Variants in CFAP299 observed in about 807,000 individuals in gnomAD.
CFAP299 encodes cilia- and flagella-associated protein 299.
CFAP299 carries 21 observed loss-of-function variants against 27.0 expected under a neutral mutation model. The observed-to-expected ratio is 0.78, with a 90% CI of 0.55 to 1.12. CFAP299 has a LOEUF of 1.12. Among genes scored for constraint, CFAP299 ranks in the 50% most tolerant of loss-of-function variants. The pLI is 0.00. For synonymous variants in CFAP299, 104 were observed against 98.1 expected (o/e 1.06, Z -0.36); for missense variants, 310 against 276.6 (o/e 1.12, Z -0.86).
chr4:80,326,569 A>G, the CFAP299 span, among the ~76,000 whole-genome samples: 6 of 152,218 alleles, frequency 3.9e-5, no homozygotes, highest in African/African-American at 1.4e-4. Flanking sequence ...CAAGATTTTT[A>G]TGCCAGAATG....
chr4:80,354,898 C>T (rs995779801), intron 1 of CFAP299, among the ~76,000 whole-genome samples: 4 of 152,106 alleles, frequency 2.6e-5, no homozygotes, highest in African/African-American at 7.2e-5. Flanking sequence ...ATATGTACCA[C>T]ATTTTCTTTA....
At chr4:80,700,323 C>T (rs2110026248) in intron 3 of CFAP299, among the ~76,000 whole-genome samples, 1 of 152,198 alleles carries the variant, frequency 6.6e-6, no homozygotes, top group South Asian at 2.1e-4. Context: ...CTACTTAGAA[C>T]AATGAATGGC....
chr4:80,602,216 A>G (rs1737392113), intron 3 of CFAP299, among the ~76,000 whole-genome samples: 1 of 148,896 alleles, frequency 6.7e-6, no homozygotes, highest in African/African-American at 2.5e-5. Context: ...ACTTAAAATA[A>G]AAGTTAAAAA....
intron 3 of CFAP299, among the ~76,000 whole-genome samples, chr4:80,677,752 A>G (rs1365837184): frequency 6.6e-6 from 1 of 152,054 alleles, no homozygotes; most frequent in Non-Finnish European, 1.5e-5. Flanking sequence ...TTATCTCACA[A>G]TGTAATGCCT....
chr4:80,820,190 T>C (rs1396219899), intron 3 of CFAP299, among the ~76,000 whole-genome samples: 4 of 152,194 alleles, frequency 2.6e-5, no homozygotes, highest in African/African-American at 7.2e-5. Context: ...TTTTTCATGA[T>C]GATATTATGA....
At chr4:80,388,031 A>G (rs1304076797) in intron 2 of CFAP299, 4 of 694,622 alleles carry the variant, frequency 5.8e-6, no homozygotes, top group Non-Finnish European at 7.8e-6. Flanking sequence ...GTAGGGCTGC[A>G]TCACCAGTGC....
intron 2 of CFAP299, among the ~76,000 whole-genome samples, chr4:80,397,439 G>T (rs1578398859): frequency 6.6e-6 from 1 of 152,116 alleles, no homozygotes; most frequent in African/African-American, 2.4e-5. Flanking sequence ...GAATGTGTTT[G>T]CTCTTGCTTC....
At chr4:80,325,958 A>G in the CFAP299 span, among the ~76,000 whole-genome samples, 5 of 152,216 alleles carry the variant, frequency 3.3e-5, no homozygotes, top group African/African-American at 1.2e-4. Context: ...GCTCCTATCC[A>G]CAGGCTGAAA....
At chr4:80,645,035 C>T (rs1224237829) in intron 3 of CFAP299, among the ~76,000 whole-genome samples, 1 of 152,064 alleles carries the variant, frequency 6.6e-6, no homozygotes, top group Admixed American at 6.6e-5. Flanking sequence ...CCATATTTTT[C>T]AGTCCAGACA....
At chr4:80,921,003 A>G (rs1474375756) in intron 4 of CFAP299, among the ~76,000 whole-genome samples, 2 of 152,000 alleles carry the variant, frequency 1.3e-5, no homozygotes, top group Non-Finnish European at 2.9e-5. Flanking sequence ...TTATTTGCTA[A>G]ATGCATGTTT....
intron 3 of CFAP299, among the ~76,000 whole-genome samples, chr4:80,857,807 G>C (rs1337573407): frequency 3.9e-5 from 6 of 152,006 alleles, no homozygotes; most frequent in African/African-American, 1.2e-4. Flanking sequence ...ATTTGGTTTG[G>C]CAGTATTTTA....
intron 5 of CFAP299, among the ~76,000 whole-genome samples, chr4:80,962,169 C>T (rs940127976): frequency 5.9e-5 from 9 of 151,830 alleles, no homozygotes; most frequent in African/African-American, 2.2e-4. Context: ...GAAGAACCTC[C>T]AAAATATTTA....
intron 3 of CFAP299, among the ~76,000 whole-genome samples, chr4:80,796,744 A>T (rs1168802649): frequency 6.6e-6 from 1 of 152,132 alleles, no homozygotes; most frequent in East Asian, 1.9e-4. Flanking sequence ...GCATCTTTCA[A>T]GTCCTTGATG....
intron 4 of CFAP299, among the ~76,000 whole-genome samples, chr4:80,875,843 T>C (rs1288983103): frequency 6.6e-6 from 1 of 152,078 alleles, no homozygotes; most frequent in East Asian, 1.9e-4. Context: ...CTTTTAGGCA[T>C]TTGAGTTTGT....
chr4:80,387,805 GC>G, intron 2 of CFAP299: 1 of 1,579,024 alleles, frequency 6.3e-7, no homozygotes, highest in Non-Finnish European at 8.7e-7. Flanking sequence ...GAGTTTCTGA[GC>G]CTTTGGCTTC....
intron 2 of CFAP299, among the ~76,000 whole-genome samples, chr4:80,573,310 G>T (rs566352086): frequency 1.3e-5 from 2 of 151,916 alleles, no homozygotes; most frequent in South Asian, 2.1e-4. Context: ...CCTATTTTTT[G>T]ATTGGATTAT....
At chr4:80,713,537 A>G (rs1722297620) in intron 3 of CFAP299, among the ~76,000 whole-genome samples, 1 of 152,244 alleles carries the variant, frequency 6.6e-6, no homozygotes, top group Non-Finnish European at 1.5e-5. Flanking sequence ...ATCAGTGGCA[A>G]CATCAGTAGC....
At chr4:80,578,667 G>A (rs1736005498) in intron 2 of CFAP299, among the ~76,000 whole-genome samples, 1 of 152,122 alleles carries the variant, frequency 6.6e-6, no homozygotes, top group Non-Finnish European at 1.5e-5. Flanking sequence ...TAGACCACAA[G>A]TTTTACATCT....
intron 2 of CFAP299, among the ~76,000 whole-genome samples, chr4:80,501,707 A>G (rs975523447): frequency 6.6e-6 from 1 of 151,624 alleles, no homozygotes; most frequent in African/African-American, 2.4e-5. Context: ...AAACACAGAA[A>G]AAAGTTTCTA....
Sources: allele counts gnomAD v4.1 joint callset (sites outside exome capture counted in the v4.1 genomes callset), GRCh38; gene constraint gnomAD v4.1.1; transcripts MANE v1.5; gene names NCBI Gene and HGNC (gene_info 2026-07-23, HGNC 2026-07-21).